Variants in MED13L observed in about 807,000 individuals in gnomAD.
MED13L encodes mediator complex subunit 13L.
A neutral mutation model predicts 220.9 loss-of-function variants in MED13L; 7 were observed. The observed-to-expected ratio is 0.03, with a 90% CI of 0.02 to 0.06. The LOEUF (loss-of-function observed/expected upper bound fraction) is 0.06, where lower values mean the gene tolerates loss of function less well. Among genes scored for constraint, MED13L ranks in the 10% least tolerant of loss-of-function variants. MED13L has a pLI of 1.00. For missense variants in MED13L, 1,965 were observed against 2,760.5 expected, an observed-to-expected ratio of 0.71 and a Z score of 6.46; for synonymous variants, 1,011 against 1,015.2, an observed-to-expected ratio of 1.00 and a Z score of 0.08.
intron 2 of MED13L, among the ~76,000 whole-genome samples, chr12:116,137,943 G>A (rs1006913286): frequency 1.1e-4 from 16 of 141,416 alleles, no homozygotes; most frequent in East Asian, 4.2e-4. Flanking sequence ...TGCAACCTCC[G>A]CCTCCCAGGT....
chr12:116,000,318 G>A (rs1019036665), intron 14 of MED13L, among the ~76,000 whole-genome samples: 4 of 152,126 alleles, frequency 2.6e-5, no homozygotes, highest in African/African-American at 9.7e-5. Flanking sequence ...CCCAGAAAAC[G>A]GCTAAAGCAA....
chr12:116,146,682 G>A (rs146894784), intron 2 of MED13L, among the ~76,000 whole-genome samples: 8 of 151,878 alleles, frequency 5.3e-5, no homozygotes, highest in South Asian at 2.1e-4. Context: ...CCTGGCCAAC[G>A]TGAGGAAACC....
intron 3 of MED13L, among the ~76,000 whole-genome samples, chr12:116,100,239 A>G (rs537882874): frequency 6.6e-6 from 1 of 152,276 alleles, no homozygotes; most frequent in African/African-American, 2.4e-5. Context: ...CTGACTCAAC[A>G]GTAGCCTATA....
At chr12:116,091,144 A>AT (rs1280490893) in intron 4 of MED13L, among the ~76,000 whole-genome samples, 1 of 150,416 alleles carries the variant, frequency 6.6e-6, no homozygotes, top group African/African-American at 2.4e-5. Context: ...AAAAAAAAGA[A>AT]TTAAAAAACA....
At chr12:116,196,753 G>A (rs1006402237) in intron 2 of MED13L, among the ~76,000 whole-genome samples, 1 of 152,082 alleles carries the variant, frequency 6.6e-6, no homozygotes, top group African/African-American at 2.4e-5. Flanking sequence ...CTTTTTGGTG[G>A]TCCAGCTGTG....
At chr12:116,270,835 G>C (rs1454261597) in intron 1 of MED13L, among the ~76,000 whole-genome samples, 1 of 151,766 alleles carries the variant, frequency 6.6e-6, no homozygotes, top group Non-Finnish European at 1.5e-5. Context: ...AAGGTCAAGA[G>C]ATAGAGACCA....
At chr12:116,078,371 A>G (rs189402281) in intron 4 of MED13L, among the ~76,000 whole-genome samples, 1 of 152,270 alleles carries the variant, frequency 6.6e-6, no homozygotes, top group East Asian at 1.9e-4. Context: ...AATCATTTCT[A>G]CATATAATTA....
At position 115,975,659 on chromosome 12, in the gene MED13L, G is replaced by A. The variant is rs1422973549; in HGVS notation, c.5444C>T (p.Thr1815Met). 15 of 1,614,006 alleles carry A rather than the reference G, an allele frequency of 9.3e-6. No homozygotes were observed. The highest frequency in any genetic ancestry group is 2.2e-5 in the East Asian group (1 of 44,858). The change falls in exon 24 of 31, where the codon ACG becomes ATG. Residue 1815 changes from threonine to methionine, a missense_variant. Transcript: ENST00000281928. ...IKDKQTELGE[T>M]FGEASQKYNV... ...GTATTTCTGGCTCGCCTCACCAAAC[G>A]TCTCTCCCAGCTCTGTCTGCTTGTC...
intron 4 of MED13L, among the ~76,000 whole-genome samples, chr12:116,054,015 T>C (rs1868734463): frequency 6.6e-6 from 1 of 152,060 alleles, no homozygotes; most frequent in South Asian, 2.1e-4. Context: ...TACTTTACAT[T>C]AGAAAGGCTG....
intron 1 of MED13L, among the ~76,000 whole-genome samples, chr12:116,238,989 G>A (rs112461371): frequency 0.075 from 11,429 of 152,130 alleles, 461 homozygotes; most frequent in South Asian, 0.097. Flanking sequence ...CAGCTACTCA[G>A]GAGGCTGAGG....
intron 3 of MED13L, among the ~76,000 whole-genome samples, chr12:116,103,999 CTTTTTTT>C (rs36066243): frequency 1.9e-4 from 11 of 57,468 alleles, no homozygotes; most frequent in South Asian, 2.0e-3. Flanking sequence ...GGACATTGCT[CTTTTTTT>C]TTTTTTTTTT....
At chr12:116,081,762 G>T (rs1871254960) in intron 4 of MED13L, among the ~76,000 whole-genome samples, 1 of 152,160 alleles carries the variant, frequency 6.6e-6, no homozygotes, top group Non-Finnish European at 1.5e-5. Context: ...AGCTACTAAT[G>T]TGATTGAGGT....
chr12:116,015,534 A>G (rs1566011801), intron 7 of MED13L, among the ~76,000 whole-genome samples: 1 of 152,176 alleles, frequency 6.6e-6, no homozygotes, highest in African/African-American at 2.4e-5. Flanking sequence ...TCACACAACC[A>G]TAAGGGCACA....
intron 1 of MED13L, among the ~76,000 whole-genome samples, chr12:116,269,423 C>T (rs1873083714): frequency 1.3e-5 from 2 of 150,726 alleles, no homozygotes; most frequent in South Asian, 4.2e-4. Flanking sequence ...CTCCCCGCCC[C>T]CCCAATCTAC....
chr12:116,176,121 C>T (rs987403317), intron 2 of MED13L, among the ~76,000 whole-genome samples: 1 of 152,090 alleles, frequency 6.6e-6, no homozygotes, highest in Admixed American at 6.6e-5. Flanking sequence ...GACTCACTAC[C>T]TGTGTAACAG....
At chr12:115,997,376 G>A in intron 14 of MED13L, 146 bp from the exon 15 acceptor site, 1 of 678,774 alleles carries the variant, frequency 1.5e-6, no homozygotes, top group Non-Finnish European at 2.5e-6. Context: ...TAATGGAAGT[G>A]ACTAAGAAGA....
At chr12:115,967,482 T>A (rs538540975) in intron 28 of MED13L, among the ~76,000 whole-genome samples, 1 of 152,196 alleles carries the variant, frequency 6.6e-6, no homozygotes, top group South Asian at 2.1e-4. Flanking sequence ...ACTTTAGTGC[T>A]TAAGGCTCCA....
intron 1 of MED13L, chr12:116,276,458 C>T (rs1318508476): frequency 1.6e-6 from 2 of 1,288,894 alleles, no homozygotes; most frequent in Non-Finnish European, 2.0e-6. Context: ...AATGGCTTTA[C>T]GGCTCTCCAG....
Position 115,991,558 on chromosome 12 carries a change from G to A in MED13L, c.3396C>T (p.Cys1132=), listed in dbSNP as rs201742989. Reference sequence around the variant, plus strand: ...TGATGTTCATGTTGCAGGCACAGATGCAACAGCTGTCAAAGTTTCTGTCTT... The same window carrying A: ...TGATGTTCATGTTGCAGGCACAGATACAACAGCTGTCAAAGTTTCTGTCTT... The part of the protein sequence containing the change: ...IFKDRNFDSC[C]ICACNMNIKG... Residue 1132 remains cysteine, a synonymous_variant, in exon 17 of 31, where the codon TGC becomes TGT. Coordinates refer to ENST00000281928, the MANE Select transcript of MED13L (RefSeq NM_015335.5). This position sits in a 1 kb window ranked among gnomAD's most constrained non-coding sequence, Gnocchi z 7.7. The A allele has an allele frequency of 2.6e-5, 42 of 1,614,152 alleles. No homozygotes were observed. The Middle Eastern group carries it at 4.9e-4, about 19-fold the overall frequency.
Sources: gnomAD v4.1 joint callset for allele counts (sites outside exome capture counted in the v4.1 genomes callset) on GRCh38, gnomAD v4.1.1 for gene constraint, Gnocchi (gnomAD v3.1) non-coding constraint, MANE v1.5 for transcripts, NCBI Gene and HGNC (gene_info 2026-07-23, HGNC 2026-07-21) for gene names.